KIAA1328: variants seen among roughly 807,000 people sequenced by gnomAD.
The protein encoded by KIAA1328 is protein hinderin.
KIAA1328 carries 52 observed loss-of-function variants against 68.1 expected under a neutral mutation model. The ratio of observed to expected loss-of-function variants is 0.76; its 90% CI spans 0.61 to 0.96. The LOEUF is 0.96. Ranked by LOEUF, KIAA1328 falls within the 40% of genes least tolerant of loss-of-function variation. The pLI is 0.00. For synonymous variants in KIAA1328, 232 were observed against 239.4 expected, an observed-to-expected ratio of 0.97 and a Z score of 0.28; for missense variants, 641 against 677.6, an observed-to-expected ratio of 0.95 and a Z score of 0.60.
intron 6 of KIAA1328, among the ~76,000 whole-genome samples, chr18:37,041,575 T>G (rs1171181497): frequency 6.6e-6 from 1 of 152,112 alleles, no homozygotes; most frequent in African/African-American, 2.4e-5. Flanking sequence ...TATTTTGCTG[T>G]TTTATTTTCT....
intron 7 of KIAA1328, among the ~76,000 whole-genome samples, chr18:37,111,040 C>A (rs898894637): frequency 6.6e-6 from 1 of 152,016 alleles, no homozygotes; most frequent in African/African-American, 2.4e-5. Flanking sequence ...GAGCCCTGGG[C>A]TATTTGATGG....
chr18:36,990,670 AAATAT>A (rs1438856165), intron 6 of KIAA1328, among the ~76,000 whole-genome samples: 2 of 150,742 alleles, frequency 1.3e-5, no homozygotes, highest in Non-Finnish European at 3.0e-5. Flanking sequence ...GACTCCGTCT[AAATAT>A]ATATATATAT....
At chr18:37,030,272 T>A (rs1295384741) in intron 6 of KIAA1328, among the ~76,000 whole-genome samples, 1 of 152,164 alleles carries the variant, frequency 6.6e-6, no homozygotes, top group Non-Finnish European at 1.5e-5. Context: ...GATTATTGAT[T>A]TGAAATGTAA....
intron 5 of KIAA1328, among the ~76,000 whole-genome samples, chr18:36,958,477 G>T (rs933422666): frequency 2.6e-5 from 4 of 152,102 alleles, no homozygotes; most frequent in East Asian, 3.9e-4. Context: ...ACGTAGGAGG[G>T]TTCCAGTTTC....
Position 37,066,871 on chromosome 18 carries a change from A to T in KIAA1328, c.577-19A>T. On this transcript the variant is annotated intron_variant, in intron 6 of 9. Coordinates refer to ENST00000280020, the MANE Select transcript of KIAA1328 (RefSeq NM_020776.3). ...TTGTTGTGTTCTTATTTGACAGGTGATCTTGTGGTTCTTTCTAGGTATCCA... is the reference window on the plus strand; with the variant it reads ...TTGTTGTGTTCTTATTTGACAGGTGTTCTTGTGGTTCTTTCTAGGTATCCA... 1 of 1,539,058 alleles carries T rather than the reference A, an allele frequency of 6.5e-7. No homozygotes were observed. Among genetic ancestry groups the T allele is most frequent in the Non-Finnish European group, 8.7e-7 (1 of 1,144,470 alleles).
intron 9 of KIAA1328, among the ~76,000 whole-genome samples, chr18:37,203,140 AAG>A (rs2060146044): frequency 6.6e-6 from 1 of 152,086 alleles, no homozygotes; most frequent in South Asian, 2.1e-4. Flanking sequence ...TCATATTCAA[AAG>A]AGAAAACTAA....
At chr18:37,034,244 G>T (rs2054942312) in intron 6 of KIAA1328, among the ~76,000 whole-genome samples, 1 of 151,998 alleles carries the variant, frequency 6.6e-6, no homozygotes, top group East Asian at 1.9e-4. Flanking sequence ...TAAAGAAGTT[G>T]TAATACAAAA....
intron 4 of KIAA1328, among the ~76,000 whole-genome samples, chr18:36,846,384 CTA>C (rs545677800): frequency 2.8e-4 from 43 of 151,572 alleles, no homozygotes; most frequent in African/African-American, 9.6e-4. Flanking sequence ...AAAGAATAGT[CTA>C]TATTATTTTC....
chr18:37,018,045 G>T (rs369896811), intron 6 of KIAA1328, among the ~76,000 whole-genome samples: 1 of 151,926 alleles, frequency 6.6e-6, no homozygotes, highest in Non-Finnish European at 1.5e-5. Flanking sequence ...TGTGTTTTTG[G>T]TTTATAGTCT....
intron 7 of KIAA1328, among the ~76,000 whole-genome samples, chr18:37,122,377 T>A (rs969310185): frequency 2.0e-5 from 3 of 151,970 alleles, no homozygotes; most frequent in African/African-American, 7.3e-5. Flanking sequence ...GACTTAACCA[T>A]GAAGGGGAGA....
intron 7 of KIAA1328, among the ~76,000 whole-genome samples, chr18:37,092,824 T>C (rs1261160839): frequency 1.3e-5 from 2 of 152,152 alleles, no homozygotes; most frequent in Admixed American, 1.3e-4. Flanking sequence ...CAAGGACCTG[T>C]CTGCCTGCCC....
In KIAA1328 at chr18:37,133,883, T is replaced by C. The variant is rs1236549357; in HGVS notation, c.1233-26317T>C. Among the ~76,000 whole-genome samples the C allele has an allele frequency of 5.3e-5, 8 of 152,206 alleles. No individual in the cohort carries two copies. The East Asian group carries it at 1.5e-3, about 29-fold the overall frequency. On this transcript the variant is annotated intron_variant, in intron 7 of 9. Transcript: ENST00000280020. Reference sequence around the variant, plus strand: ...CATGACAAGTTTTTCTTGCCATTGATCTCTGGCATCTTTCATATTGATGCC... The same window carrying C: ...CATGACAAGTTTTTCTTGCCATTGACCTCTGGCATCTTTCATATTGATGCC...
chr18:36,940,825 G>T (rs2050683399), intron 5 of KIAA1328, among the ~76,000 whole-genome samples: 1 of 151,960 alleles, frequency 6.6e-6, no homozygotes, highest in Admixed American at 6.6e-5. Context: ...ATAGGCACAT[G>T]CCACCACGAC....
chr18:36,998,811 G>A (rs1390815709), intron 6 of KIAA1328, among the ~76,000 whole-genome samples: 1 of 152,142 alleles, frequency 6.6e-6, no homozygotes, highest in Admixed American at 6.5e-5. Flanking sequence ...TTCAAAAATA[G>A]GAAGAAGCGA....
intron 7 of KIAA1328, among the ~76,000 whole-genome samples, chr18:37,094,953 CA>C (rs34821590): frequency 0.18 from 24,849 of 136,824 alleles, 2,242 homozygotes; most frequent in African/African-American, 0.24. Context: ...GGTTTTATGT[CA>C]AAAAAAAAAA....
At chr18:36,864,460 C>A (rs1227739496) in intron 4 of KIAA1328, among the ~76,000 whole-genome samples, 1 of 151,650 alleles carries the variant, frequency 6.6e-6, no homozygotes, top group Non-Finnish European at 1.5e-5. Flanking sequence ...TGCCACCACG[C>A]CCGGCTAATT....
intron 5 of KIAA1328, among the ~76,000 whole-genome samples, chr18:36,926,136 A>G (rs2050107766): frequency 6.6e-6 from 1 of 152,064 alleles, no homozygotes; most frequent in Non-Finnish European, 1.5e-5. Context: ...GAAAGGGTTA[A>G]GTTTCTTGGG....
At position 36,924,219 on chromosome 18, in the gene KIAA1328, GTTTTGAAATAATA is replaced by G. The variant is rs1598727497; in HGVS notation, c.449-35072_449-35060del. Among the ~76,000 whole-genome samples, 5 of 152,202 alleles carry G rather than the reference GTTTTGAAATAATA, an allele frequency of 3.3e-5. No individual in the cohort carries two copies. In the South Asian group the frequency reaches 8.3e-4, roughly 25 times the overall value. ...TTTGGAATATTATACTCAATATAAT[GTTTTGAAATAATA>G]TTTTGAAATAATATTTCTGGGGGCA... is the stretch of plus-strand genomic sequence containing the variant. On this transcript the variant is annotated intron_variant, in intron 5 of 9. Coordinates refer to ENST00000280020, the MANE Select transcript of KIAA1328 (RefSeq NM_020776.3).
intron 6 of KIAA1328, chr18:37,063,626 C>T: frequency 1.0e-6 from 1 of 985,186 alleles, no homozygotes. Context: ...TGCACAGTAA[C>T]CAAGCAGGTA....
Sources: allele counts gnomAD v4.1 joint callset (sites outside exome capture counted in the v4.1 genomes callset), GRCh38; gene constraint gnomAD v4.1.1; transcripts MANE v1.5; gene names NCBI Gene and HGNC (gene_info 2026-07-23, HGNC 2026-07-21).